The following PPM1H variants were observed in gnomAD, a reference collection of about 807,000 sequenced individuals.
PPM1H encodes protein phosphatase 1H.
In PPM1H, 27 loss-of-function variants were observed where a neutral mutation model predicts 54.9. The observed-to-expected ratio is 0.49, with a 90% CI of 0.36 to 0.68. The LOEUF (loss-of-function observed/expected upper bound fraction) is 0.68, where lower values mean the gene tolerates loss of function less well. Among genes scored for constraint, PPM1H ranks in the 30% least tolerant of loss-of-function variants. The probability of loss-of-function intolerance (pLI) is 0.00; values close to 1 mark genes in which losing one functional copy is unlikely to be tolerated. For synonymous variants in PPM1H, 305 were observed against 270.8 expected (o/e 1.13, Z -1.24); for missense variants, 596 against 667.8 (o/e 0.89, Z 1.19).
chr12:62,917,239 C>T (rs888689526), intron 1 of PPM1H, among the ~76,000 whole-genome samples: 7 of 152,222 alleles, frequency 4.6e-5, no homozygotes, highest in East Asian at 3.9e-4. Context: ...GGCAATTTAA[C>T]GGCCAAAGTG....
intron 4 of PPM1H, among the ~76,000 whole-genome samples, chr12:62,772,002 G>T (rs112961439): frequency 6.6e-6 from 1 of 152,112 alleles, no homozygotes; most frequent in Non-Finnish European, 1.5e-5. Context: ...ATTTACAGAC[G>T]AGGTAACTGG....
intron 1 of PPM1H, among the ~76,000 whole-genome samples, chr12:62,865,098 T>C (rs945599523): frequency 4.6e-5 from 7 of 152,200 alleles, no homozygotes; most frequent in African/African-American, 1.7e-4. Flanking sequence ...TAATTATTTT[T>C]CCTTTTGCTC....
intron 1 of PPM1H, among the ~76,000 whole-genome samples, chr12:62,919,985 C>T (rs1202389288): frequency 1.3e-5 from 2 of 152,166 alleles, no homozygotes; most frequent in Non-Finnish European, 2.9e-5. Flanking sequence ...ACACCAGCTG[C>T]TGTAGTCAGA....
At chr12:62,754,731 G>A (rs2076460892) in intron 4 of PPM1H, among the ~76,000 whole-genome samples, 1 of 152,164 alleles carries the variant, frequency 6.6e-6, no homozygotes, top group African/African-American at 2.4e-5. Flanking sequence ...GAAATGTTAA[G>A]CCATAGTCTT....
At chr12:62,738,747 C>A (rs1175593624) in intron 4 of PPM1H, among the ~76,000 whole-genome samples, 1 of 152,110 alleles carries the variant, frequency 6.6e-6, no homozygotes, top group African/African-American at 2.4e-5. Flanking sequence ...CAGTGAGGAG[C>A]CACCAACATG....
At chr12:62,724,257 C>T (rs905135537) in intron 5 of PPM1H, among the ~76,000 whole-genome samples, 1 of 152,182 alleles carries the variant, frequency 6.6e-6, no homozygotes, top group South Asian at 2.1e-4. Context: ...GTTTGCTTTT[C>T]TCTTGTTAAT....
chr12:62,892,666 A>G (rs1414292417), intron 1 of PPM1H, among the ~76,000 whole-genome samples: 2 of 152,238 alleles, frequency 1.3e-5, no homozygotes, highest in East Asian at 1.9e-4. Context: ...AACAGTATAC[A>G]TCAACACAAT....
chr12:62,763,565 C>G (rs1048726851), intron 4 of PPM1H, among the ~76,000 whole-genome samples: 1 of 152,228 alleles, frequency 6.6e-6, no homozygotes, highest in Non-Finnish European at 1.5e-5. Context: ...CGGCTCATTT[C>G]TTCCTCAGCT....
At position 62,748,572 on chromosome 12, in the gene PPM1H, G is replaced by T. The variant is rs539868926; in HGVS notation, c.870-10986C>A. 2.0e-5 allele frequency among the ~76,000 whole-genome samples: 3 copies of T among 147,262 alleles called. No homozygotes were observed. In the East Asian group the frequency reaches 5.8e-4, roughly 28 times the overall value. On this transcript the variant is annotated intron_variant, in intron 4 of 9. Coordinates refer to ENST00000228705, the MANE Select transcript of PPM1H (RefSeq NM_020700.2). ...CACACACACACACACACACACGTGT[G>T]AGGAAGGGCCTGCCATCATCTACCC...
intron 1 of PPM1H, among the ~76,000 whole-genome samples, chr12:62,930,711 A>T (rs1429746052): frequency 6.6e-6 from 1 of 152,258 alleles, no homozygotes; most frequent in Non-Finnish European, 1.5e-5. Flanking sequence ...TCTGGGTCAG[A>T]CTGTTGCTCC....
At chr12:62,665,464 C>T (rs2075912698) in intron 9 of PPM1H, among the ~76,000 whole-genome samples, 1 of 152,110 alleles carries the variant, frequency 6.6e-6, no homozygotes, top group Admixed American at 6.5e-5. Flanking sequence ...ATAGTTTATC[C>T]TTTTGGAATT....
chr12:62,687,249 T>C (rs1049730592), intron 8 of PPM1H, among the ~76,000 whole-genome samples: 1 of 152,150 alleles, frequency 6.6e-6, no homozygotes, highest in African/African-American at 2.4e-5. Flanking sequence ...ATGGACACCA[T>C]AAATATCTCT....
intron 1 of PPM1H, among the ~76,000 whole-genome samples, chr12:62,834,539 G>A (rs1207765760): frequency 6.6e-6 from 1 of 152,138 alleles, no homozygotes; most frequent in Non-Finnish European, 1.5e-5. Flanking sequence ...CTGTGGGGAA[G>A]CATAGAATAA....
rs528691825 is a variant in PPM1H, at chr12:62,906,970, G to A, written c.245+27522C>T. ...GAAATACAATGGTGAAGTTTCAGAT[G>A]TGGAGAGGGGTGAAAATGGAGCTGA... On this transcript the variant is annotated intron_variant, in intron 1 of 9. Transcript: ENST00000228705. Among the ~76,000 whole-genome samples, 4 of 152,344 alleles carry A rather than the reference G, an allele frequency of 2.6e-5. No homozygotes were observed. The East Asian group carries it at 7.7e-4, about 29-fold the overall frequency.
chr12:62,768,742 A>G (rs1478918777), intron 4 of PPM1H, among the ~76,000 whole-genome samples: 1 of 152,040 alleles, frequency 6.6e-6, no homozygotes, highest in Non-Finnish European at 1.5e-5. Flanking sequence ...TAAGAAGCCA[A>G]GGGGAAGGGA....
At chr12:62,675,248 C>G (rs574138408) in intron 8 of PPM1H, among the ~76,000 whole-genome samples, 1 of 152,264 alleles carries the variant, frequency 6.6e-6, no homozygotes, top group African/African-American at 2.4e-5. Context: ...TCTAAACCAG[C>G]TAAAATATGA....
At chr12:62,673,616 G>C (rs1306830853) in intron 8 of PPM1H, among the ~76,000 whole-genome samples, 1 of 151,454 alleles carries the variant, frequency 6.6e-6, no homozygotes, top group Non-Finnish European at 1.5e-5. Flanking sequence ...TGCAGCTCAG[G>C]ACTGGCTTTG....
At position 62,687,627 on chromosome 12, in the gene PPM1H, T is replaced by C. The variant is rs182193001; in HGVS notation, c.1245+2072A>G. Reference sequence around the variant, plus strand: ...TTTCCTCTGACCAAAATAGTCTTTGTTAAAACAGCACCTGCTCTTGGGAAG... The same window carrying C: ...TTTCCTCTGACCAAAATAGTCTTTGCTAAAACAGCACCTGCTCTTGGGAAG... On this transcript the variant is annotated intron_variant, in intron 8 of 9. Transcript: ENST00000228705. Among the ~76,000 whole-genome samples, 452 of 152,176 alleles carry C rather than the reference T, an allele frequency of 3.0e-3. 1 individual carries two copies. The highest frequency in any genetic ancestry group is 0.01 in the Middle Eastern group (3 of 294).
At chr12:62,679,961 A>G (rs1416897235) in intron 8 of PPM1H, among the ~76,000 whole-genome samples, 2 of 152,246 alleles carry the variant, frequency 1.3e-5, no homozygotes, top group Non-Finnish European at 2.9e-5. Flanking sequence ...AGGGAGGGCA[A>G]TTCTACAGGA....
Sources: gnomAD v4.1 joint callset for allele counts (sites outside exome capture counted in the v4.1 genomes callset) on GRCh38, gnomAD v4.1.1 for gene constraint, MANE v1.5 for transcripts, NCBI Gene and HGNC (gene_info 2026-07-23, HGNC 2026-07-21) for gene names.